The following RPTOR variants were observed in gnomAD, a reference collection of about 807,000 sequenced individuals.
The protein encoded by RPTOR is regulatory associated protein of MTOR complex 1, also known as regulatory-associated protein of mTOR.
Under a neutral mutation model 169.9 loss-of-function variants are expected in RPTOR, and 21 were observed. That is an observed-to-expected ratio of 0.12 (90% CI 0.09 to 0.18). The LOEUF (loss-of-function observed/expected upper bound fraction) is 0.18, where lower values mean the gene tolerates loss of function less well. Ranked by LOEUF, RPTOR falls within the 10% of genes least tolerant of loss-of-function variation. The pLI is 1.00. For missense variants in RPTOR, 1,133 were observed against 1,855.9 expected (o/e 0.61, Z 7.16); for synonymous variants, 732 against 753.2 (o/e 0.97, Z 0.46).
chr17:80,832,013 C>T (rs993160909), intron 9 of RPTOR, among the ~76,000 whole-genome samples: 2 of 152,178 alleles, frequency 1.3e-5, no homozygotes, highest in Non-Finnish European at 2.9e-5. Flanking sequence ...TTATGCTGAG[C>T]CAGAGATGAG....
intron 2 of RPTOR, among the ~76,000 whole-genome samples, chr17:80,636,239 T>G (rs2065505004): frequency 1.3e-5 from 2 of 151,990 alleles, no homozygotes; most frequent in South Asian, 4.2e-4. Flanking sequence ...GGTCCTCACC[T>G]CCGCCGCCCC....
intron 4 of RPTOR, among the ~76,000 whole-genome samples, chr17:80,719,332 G>A (rs2066265881): frequency 6.6e-6 from 1 of 152,122 alleles, no homozygotes; most frequent in African/African-American, 2.4e-5. Flanking sequence ...AAGGAGTCTG[G>A]CCCTTTAGCA....
intron 7 of RPTOR, among the ~76,000 whole-genome samples, chr17:80,792,444 C>G (rs140948818): frequency 2.6e-3 from 389 of 152,190 alleles, no homozygotes; most frequent in African/African-American, 8.0e-3. Flanking sequence ...TGAGCTCCGT[C>G]GTGGTTCACT....
intron 1 of RPTOR, among the ~76,000 whole-genome samples, chr17:80,564,315 G>C (rs1221750622): frequency 1.3e-5 from 2 of 152,056 alleles, no homozygotes; most frequent in Non-Finnish European, 2.9e-5. Flanking sequence ...GCCCGCCTCG[G>C]CCTCCCAAAG....
intron 28 of RPTOR, among the ~76,000 whole-genome samples, chr17:80,954,128 C>CT (rs1456357375): frequency 6.6e-6 from 1 of 152,050 alleles, no homozygotes; most frequent in Non-Finnish European, 1.5e-5. Flanking sequence ...AACGGCTAAT[C>CT]TTTTTTCTTT....
At position 80,572,130 on chromosome 17, in the gene RPTOR, C is replaced by T. The variant is rs1404388620; in HGVS notation, c.162+26339C>T. Among the ~76,000 whole-genome samples, 3 of 152,152 alleles carry T rather than the reference C, an allele frequency of 2.0e-5. No individual in the cohort carries two copies. In the East Asian group the frequency reaches 5.8e-4, roughly 29 times the overall value. On this transcript the variant is annotated intron_variant, in intron 1 of 33. Coordinates refer to ENST00000306801, the MANE Select transcript of RPTOR (RefSeq NM_020761.3). ...TATTTATTTTAGAGACTGCGTCTCACTCTGTCACCCAGGTGGGAGTGCAGT... is the reference window on the plus strand; with the variant it reads ...TATTTATTTTAGAGACTGCGTCTCATTCTGTCACCCAGGTGGGAGTGCAGT...
At chr17:80,851,961 A>G (rs2067797851) in intron 11 of RPTOR, among the ~76,000 whole-genome samples, 1 of 152,228 alleles carries the variant, frequency 6.6e-6, no homozygotes, top group Non-Finnish European at 1.5e-5. Context: ...AGATCTGATG[A>G]TGTCTTTGAT....
At chr17:80,944,505 G>T (rs1038541175) in intron 25 of RPTOR, among the ~76,000 whole-genome samples, 5 of 152,176 alleles carry the variant, frequency 3.3e-5, no homozygotes, top group African/African-American at 1.2e-4. Context: ...CTGCGGCCAG[G>T]GCCCCTGGGC....
chr17:80,619,707 A>C (rs2065340837), intron 1 of RPTOR, among the ~76,000 whole-genome samples: 1 of 152,188 alleles, frequency 6.6e-6, no homozygotes, highest in Non-Finnish European at 1.5e-5. Context: ...GGAAATGTTA[A>C]CGTGGTGAGT....
At chr17:80,696,645 G>T (rs191762426) in intron 3 of RPTOR, among the ~76,000 whole-genome samples, 2 of 152,204 alleles carry the variant, frequency 1.3e-5, no homozygotes, top group Non-Finnish European at 2.9e-5. Context: ...TGCAGTGGGC[G>T]CAGAAGGGAC....
intron 21 of RPTOR, among the ~76,000 whole-genome samples, chr17:80,909,179 C>A (rs575863030): frequency 6.6e-6 from 1 of 152,216 alleles, no homozygotes; most frequent in East Asian, 1.9e-4. Flanking sequence ...CTGACATTAT[C>A]TTTCAGGATC....
At chr17:80,570,013 C>G (rs921178850) in intron 1 of RPTOR, among the ~76,000 whole-genome samples, 4 of 152,094 alleles carry the variant, frequency 2.6e-5, no homozygotes, top group African/African-American at 4.8e-5. Flanking sequence ...CTCAAGGAGC[C>G]CAGCTCCGTT....
chr17:80,960,055 G>A lies in RPTOR; in HGVS notation c.3478-23G>A, dbSNP rs535127870. ...GTGGCTCGGTGCCCCGGTCTTCACC[G>A]GGCTGCCTGTGTTTGGCTCTAGGAC... is the stretch of plus-strand genomic sequence containing the variant. On this transcript the variant is annotated intron_variant, in intron 29 of 33. Transcript: ENST00000306801. This position sits in a 1 kb window ranked among gnomAD's most constrained non-coding sequence, Gnocchi z 4.8. 264 of 1,612,088 alleles carry A rather than the reference G, an allele frequency of 1.6e-4. 5 individuals carry two copies. In the South Asian group the frequency reaches 2.4e-3, roughly 15 times the overall value.
chr17:80,591,539 C>T lies in RPTOR; in HGVS notation c.163-34152C>T, dbSNP rs1431262471. 5.3e-5 allele frequency among the ~76,000 whole-genome samples: 8 copies of T among 151,464 alleles called. No individual in the cohort carries two copies. The South Asian group carries it at 1.5e-3, about 28-fold the overall frequency. On this transcript the variant is annotated intron_variant, in intron 1 of 33. Coordinates refer to ENST00000306801, the MANE Select transcript of RPTOR (RefSeq NM_020761.3). The stretch of plus-strand genomic sequence containing the variant: ...GACTACAGGCGCACACCACAACACC[C>T]AGCTCATTTTTGTAATTTTAGTAGA...
intron 1 of RPTOR, among the ~76,000 whole-genome samples, chr17:80,550,114 C>T (rs1293175707): frequency 1.3e-5 from 2 of 152,228 alleles, no homozygotes; most frequent in Non-Finnish European, 1.5e-5. Flanking sequence ...ATAATCTACA[C>T]TACCCCCTCT....
At chr17:80,692,821 C>A (rs981003215) in intron 3 of RPTOR, among the ~76,000 whole-genome samples, 4 of 152,152 alleles carry the variant, frequency 2.6e-5, no homozygotes, top group African/African-American at 9.7e-5. Flanking sequence ...TTTCATGAGT[C>A]CAAAGTTAAA....
intron 13 of RPTOR, among the ~76,000 whole-genome samples, chr17:80,871,317 G>A (rs1442577933): frequency 6.6e-6 from 1 of 152,160 alleles, no homozygotes; most frequent in Non-Finnish European, 1.5e-5. Context: ...CACCATGTTA[G>A]TCAGGATGGT....
chr17:80,744,124 C>G (rs113949530), intron 5 of RPTOR, among the ~76,000 whole-genome samples: 616 of 36,108 alleles, frequency 0.017, 109 homozygotes, highest in South Asian at 0.032. Context: ...GTTACTAGCA[C>G]AGCCCTGGCT....
At chr17:80,770,218 C>T (rs1489219433) in intron 6 of RPTOR, among the ~76,000 whole-genome samples, 1 of 152,162 alleles carries the variant, frequency 6.6e-6, no homozygotes, top group Non-Finnish European at 1.5e-5. Context: ...AGCACCCCCG[C>T]CTTAAATAAG....
Sources: allele counts gnomAD v4.1 joint callset (sites outside exome capture counted in the v4.1 genomes callset), GRCh38; gene constraint gnomAD v4.1.1; non-coding constraint Gnocchi (gnomAD v3.1); transcripts MANE v1.5; gene names NCBI Gene and HGNC (gene_info 2026-07-23, HGNC 2026-07-21).